The following RHEX variants were observed in gnomAD, a reference collection of about 807,000 sequenced individuals.
The protein encoded by RHEX is regulator of hemoglobinization and erythroid cell expansion protein.
In RHEX, 18 loss-of-function variants were observed where a neutral mutation model predicts 20.1. The observed-to-expected ratio is 0.90, with a 90% CI of 0.62 to 1.33. RHEX has a LOEUF of 1.33. Ranked by LOEUF, RHEX falls within the 40% of genes most tolerant of loss-of-function variation. The pLI, the probability that RHEX is intolerant of heterozygous loss-of-function variation, is 0.00. For missense variants in RHEX, 192 were observed against 214.3 expected (o/e 0.90, Z 0.65); for synonymous variants, 87 against 77.1 (o/e 1.13, Z -0.67).
At chr1:206,075,005 C>G (rs954304825) in intron 1 of RHEX, among the ~76,000 whole-genome samples, 3 of 152,236 alleles carry the variant, frequency 2.0e-5, no homozygotes, top group Non-Finnish European at 4.4e-5. Flanking sequence ...GTGTGCATTA[C>G]TCACTGTGTT....
chr1:206,065,896 C>T (rs971424898), intron 1 of RHEX, among the ~76,000 whole-genome samples: 12 of 152,206 alleles, frequency 7.9e-5, no homozygotes, highest in Non-Finnish European at 1.8e-4. Context: ...ATCGGTTTTT[C>T]AGTTTTTCAG....
At chr1:206,082,685 ACAAT>A in intron 1 of RHEX, among the ~76,000 whole-genome samples, 1 of 152,306 alleles carries the variant, frequency 6.6e-6, no homozygotes, top group East Asian at 1.9e-4. Flanking sequence ...GAAAAAACTG[ACAAT>A]CAGAGAGGTT....
chr1:206,059,723 G>A (rs1190752757), intron 1 of RHEX, among the ~76,000 whole-genome samples: 2 of 152,124 alleles, frequency 1.3e-5, no homozygotes, highest in Non-Finnish European at 2.9e-5. Flanking sequence ...ACAATGGGAG[G>A]GTTTAAGATT....
intron 3 of RHEX, 108 bp from the exon 4 acceptor site, chr1:206,099,547 G>A: frequency 1.0e-6 from 1 of 1,000,766 alleles, no homozygotes; most frequent in Non-Finnish European, 1.5e-6. Flanking sequence ...TCGAACTTGT[G>A]ACCTCAAGTG....
chr1:206,099,897 T>G, intron 4 of RHEX, 99 bp downstream of exon 4: 1 of 1,093,624 alleles, frequency 9.1e-7, no homozygotes, highest in Non-Finnish European at 1.3e-6. Flanking sequence ...CCCAAACCTC[T>G]AGCCTGAGGA....
At chr1:206,068,922 T>C (rs1399481216) in intron 1 of RHEX, among the ~76,000 whole-genome samples, 1 of 152,230 alleles carries the variant, frequency 6.6e-6, no homozygotes, top group Non-Finnish European at 1.5e-5. Context: ...GGCAACACTG[T>C]CCCACAGGGG....
At chr1:206,095,857 A>ATCTCACTC (rs1392290632) in intron 1 of RHEX, among the ~76,000 whole-genome samples, 2 of 151,298 alleles carry the variant, frequency 1.3e-5, no homozygotes, top group Non-Finnish European at 2.9e-5. Context: ...TTGATACAGG[A>ATCTCACTC]TCTCACTCTG....
chr1:206,094,951 G>A (rs1410292010), intron 1 of RHEX, among the ~76,000 whole-genome samples: 1 of 152,130 alleles, frequency 6.6e-6, no homozygotes, highest in Non-Finnish European at 1.5e-5. Context: ...TCTCAACTGA[G>A]AGCAAACCCT....
intron 1 of RHEX, among the ~76,000 whole-genome samples, chr1:206,064,476 G>A (rs1430957431): frequency 5.7e-5 from 1 of 17,440 alleles, no homozygotes; most frequent in Non-Finnish European, 1.1e-4. Flanking sequence ...CGCCCCGTCC[G>A]GGAGGTGAGG....
chr1:206,092,261 A>G (rs1269499097), intron 1 of RHEX, among the ~76,000 whole-genome samples: 1 of 152,152 alleles, frequency 6.6e-6, no homozygotes, highest in Non-Finnish European at 1.5e-5. Flanking sequence ...GCTTGCATTC[A>G]TTGGATGCTT....
chr1:206,060,136 C>A (rs1458906241), intron 1 of RHEX, among the ~76,000 whole-genome samples: 1 of 152,116 alleles, frequency 6.6e-6, no homozygotes, highest in Non-Finnish European at 1.5e-5. Context: ...CCAAACTCTG[C>A]CACTTACCAG....
In RHEX at chr1:206,097,749, C is replaced by A. The variant is rs1487059862; in HGVS notation, c.-80C>A. 1 of 1,613,348 alleles carries A rather than the reference C, an allele frequency of 6.2e-7. No homozygotes were observed. On this transcript the variant is annotated 5_prime_UTR_variant, in exon 2 of 6. Coordinates refer to ENST00000331555, the MANE Select transcript of RHEX (RefSeq NM_001007544.4). The stretch of plus-strand genomic sequence containing the variant: ...CTCTTGCAGATCTCCAGCACCCTGC[C>A]GGTGGCACTACTGAGAGACGAGGTG...
intron 1 of RHEX, among the ~76,000 whole-genome samples, chr1:206,074,840 C>T (rs1662601232): frequency 6.6e-6 from 1 of 152,184 alleles, no homozygotes; most frequent in African/African-American, 2.4e-5. Context: ...TCAACATTCC[C>T]AAAGGGAAAA....
intron 1 of RHEX, among the ~76,000 whole-genome samples, chr1:206,097,289 A>G (rs1197907897): frequency 1.3e-5 from 2 of 152,162 alleles, no homozygotes; most frequent in African/African-American, 2.4e-5. Flanking sequence ...GCTGTCCTAC[A>G]GAAAGAATCC....
chr1:206,101,458 C>A (rs1214257159), intron 5 of RHEX, among the ~76,000 whole-genome samples: 1 of 152,156 alleles, frequency 6.6e-6, no homozygotes, highest in Non-Finnish European at 1.5e-5. Context: ...CCCCACACCC[C>A]AGTTGTTGGG....
intron 1 of RHEX, among the ~76,000 whole-genome samples, chr1:206,056,146 T>C (rs1323239257): frequency 6.6e-6 from 1 of 152,192 alleles, no homozygotes; most frequent in Non-Finnish European, 1.5e-5. Context: ...GAGAGCCCAG[T>C]TAAACATAAC....
rs267598329 is a variant in RHEX, at chr1:206,098,111, C to T, written c.42C>T (p.Ile14=). 23 of 1,613,898 alleles carry T rather than the reference C, an allele frequency of 1.4e-5. No individual in the cohort carries two copies. The highest frequency in any genetic ancestry group is 8.3e-5 in the Admixed American group (5 of 60,004). The change falls in exon 3 of 6, where the codon ATC becomes ATT. Residue 14 remains isoleucine (I), a synonymous_variant. Transcript: ENST00000331555. ...TGGAGGTCTGGCATGGCTTAGTGAT[C>T]GCGGTGGTGTCCCTCTTCCTGCAGG... The part of the protein sequence containing the change: ...EVMEVWHGLV[I]AVVSLFLQAC...
chr1:206,073,599 T>C (rs1662574313), intron 1 of RHEX, among the ~76,000 whole-genome samples: 1 of 152,080 alleles, frequency 6.6e-6, no homozygotes, highest in African/African-American at 2.4e-5. Context: ...TCACTATGCA[T>C]ACTGGGCCCC....
intron 1 of RHEX, among the ~76,000 whole-genome samples, chr1:206,092,878 T>G (rs1252563349): frequency 1.3e-5 from 2 of 152,232 alleles, no homozygotes; most frequent in Non-Finnish European, 2.9e-5. Flanking sequence ...TAAAGATTTT[T>G]TTATTTTTAA....
Sources: gnomAD v4.1 joint callset for allele counts (sites outside exome capture counted in the v4.1 genomes callset) on GRCh38, gnomAD v4.1.1 for gene constraint, MANE v1.5 for transcripts, NCBI Gene and HGNC (gene_info 2026-07-23, HGNC 2026-07-21) for gene names.